Variants in SH2D4A observed in about 807,000 individuals in gnomAD.
The protein encoded by SH2D4A is SH2 domain-containing protein 4A.
In SH2D4A, 70 loss-of-function variants were observed where a neutral mutation model predicts 64.7. That is an observed-to-expected ratio of 1.08 (90% CI 0.89 to 1.32). The LOEUF is 1.32. Ranked by LOEUF, SH2D4A falls within the 40% of genes most tolerant of loss-of-function variation. The pLI, the probability that SH2D4A is intolerant of heterozygous loss-of-function variation, is 0.00. For synonymous variants in SH2D4A, 268 were observed against 200.7 expected, an observed-to-expected ratio of 1.34 and a Z score of -2.83; for missense variants, 706 against 540.1, an observed-to-expected ratio of 1.31 and a Z score of -3.04.
At chr8:19,328,682 C>T (rs2052322486) in intron 2 of SH2D4A, among the ~76,000 whole-genome samples, 1 of 152,220 alleles carries the variant, frequency 6.6e-6, no homozygotes, top group Non-Finnish European at 1.5e-5. Context: ...TCCTCAATCA[C>T]TTTCTGATCC....
intron 7 of SH2D4A, among the ~76,000 whole-genome samples, chr8:19,365,231 T>C (rs879543479): frequency 1.3e-5 from 2 of 152,140 alleles, no homozygotes; most frequent in South Asian, 2.1e-4. Flanking sequence ...AAGGCGGATG[T>C]TTTTCTTTGC....
At chr8:19,339,536 C>T (rs1416607170) in intron 4 of SH2D4A, among the ~76,000 whole-genome samples, 14 of 142,056 alleles carry the variant, frequency 9.9e-5, no homozygotes, top group African/African-American at 3.1e-4. Flanking sequence ...GGGTCTCCCT[C>T]TCCCCGAGGC....
At chr8:19,351,496 G>A (rs567911442) in intron 4 of SH2D4A, among the ~76,000 whole-genome samples, 84 of 151,992 alleles carry the variant, frequency 5.5e-4, no homozygotes, top group Non-Finnish European at 9.9e-4. Context: ...CCAGCTACTC[G>A]GGAGGCTGAG....
intron 8 of SH2D4A, among the ~76,000 whole-genome samples, chr8:19,386,021 A>T (rs1411696536): frequency 6.6e-6 from 1 of 152,158 alleles, no homozygotes; most frequent in Admixed American, 6.5e-5. Flanking sequence ...CCTCATTTAC[A>T]TGGATGACTC....
chr8:19,330,762 G>A (rs979841126), intron 2 of SH2D4A, among the ~76,000 whole-genome samples: 1 of 151,672 alleles, frequency 6.6e-6, no homozygotes, highest in African/African-American at 2.4e-5. Flanking sequence ...TCTTCCTCTT[G>A]CTGTCAAAAA....
chr8:19,347,725 A>C (rs902613664), intron 4 of SH2D4A, among the ~76,000 whole-genome samples: 3 of 152,224 alleles, frequency 2.0e-5, no homozygotes, highest in African/African-American at 7.2e-5. Context: ...GAGATAAAAA[A>C]ATTAGAACCA....
At chr8:19,314,025 CGGCG>C (rs1563178979) in intron 1 of SH2D4A, 7 of 994,980 alleles carry the variant, frequency 7.0e-6, no homozygotes, top group African/African-American at 5.1e-5. Flanking sequence ...AGAGCGGCCG[CGGCG>C]GGTGTCCGGT....
At position 19,319,652 on chromosome 8, in the gene SH2D4A, G is replaced by T; in HGVS notation, c.105G>T (p.Gln35His). ...TGTTCTTCAAGATGAGAGAGGAACAGATCCGACGATGGAAAGAAAGAGAAG... is the reference window on the plus strand; with the variant it reads ...TGTTCTTCAAGATGAGAGAGGAACATATCCGACGATGGAAAGAAAGAGAAG... ...QILFFKMREE[Q>H]IRRWKEREAA... Residue 35 changes from glutamine (Q) to histidine (H), a missense_variant, in exon 2 of 10, where the codon CAG (glutamine) becomes CAT (histidine). Physicochemically the swap from Gln to His is conservative, Grantham distance 24. Coordinates refer to ENST00000265807, the MANE Select transcript of SH2D4A (RefSeq NM_022071.4). The T allele has an allele frequency of 6.2e-7, 1 of 1,611,598 alleles. No individual in the cohort carries two copies. The highest frequency in any genetic ancestry group is 1.3e-5 in the African/African-American group (1 of 74,888).
chr8:19,377,179 C>T (rs1356557707), intron 8 of SH2D4A, among the ~76,000 whole-genome samples: 7 of 152,094 alleles, frequency 4.6e-5, no homozygotes, highest in African/African-American at 7.2e-5. Context: ...GTCAGGAGTT[C>T]GAGACCAGCC....
intron 4 of SH2D4A, among the ~76,000 whole-genome samples, chr8:19,336,090 A>G (rs2052441462): frequency 6.6e-6 from 1 of 152,210 alleles, no homozygotes; most frequent in African/African-American, 2.4e-5. Flanking sequence ...AGCAAAGCAC[A>G]CTGCTGAGTG....
At chr8:19,381,286 G>C (rs2053289137) in intron 8 of SH2D4A, among the ~76,000 whole-genome samples, 1 of 152,168 alleles carries the variant, frequency 6.6e-6, no homozygotes, top group Non-Finnish European at 1.5e-5. Context: ...CTGACCTCAA[G>C]TGATCCACCT....
chr8:19,374,917 G>A (rs1585198571), intron 8 of SH2D4A, among the ~76,000 whole-genome samples: 1 of 152,140 alleles, frequency 6.6e-6, no homozygotes, highest in Admixed American at 6.5e-5. Flanking sequence ...CAGCCACTTT[G>A]TAGTTTCTGT....
At chr8:19,331,252 T>C (rs1172493922) in intron 2 of SH2D4A, among the ~76,000 whole-genome samples, 1 of 152,210 alleles carries the variant, frequency 6.6e-6, no homozygotes, top group African/African-American at 2.4e-5. Context: ...GACACCTTAA[T>C]TGGAAACCTC....
intron 1 of SH2D4A, among the ~76,000 whole-genome samples, chr8:19,319,139 T>C (rs1004044495): frequency 2.6e-5 from 4 of 152,122 alleles, no homozygotes; most frequent in Non-Finnish European, 5.9e-5. Flanking sequence ...TTTTCTTTTT[T>C]TTTTTGACAG....
At chr8:19,325,110 C>G (rs774432045) in intron 2 of SH2D4A, among the ~76,000 whole-genome samples, 3 of 152,136 alleles carry the variant, frequency 2.0e-5, no homozygotes, top group African/African-American at 4.8e-5. Flanking sequence ...CTGCCTTTTA[C>G]TCTCTATGAT....
At chr8:19,335,843 G>A (rs2052437193) in intron 4 of SH2D4A, among the ~76,000 whole-genome samples, 1 of 152,150 alleles carries the variant, frequency 6.6e-6, no homozygotes, top group African/African-American at 2.4e-5. Flanking sequence ...TTTGCTGGTT[G>A]GATTATAGTT....
chr8:19,385,797 C>G (rs991894782), intron 8 of SH2D4A, among the ~76,000 whole-genome samples: 5 of 152,170 alleles, frequency 3.3e-5, no homozygotes, highest in African/African-American at 1.2e-4. Context: ...TGTCTAAGAT[C>G]TTAGCAGACC....
chr8:19,341,800 C>T (rs1424644190), intron 4 of SH2D4A, among the ~76,000 whole-genome samples: 1 of 148,576 alleles, frequency 6.7e-6, no homozygotes, highest in Non-Finnish European at 1.5e-5. Flanking sequence ...TATGATCACG[C>T]TACCCAACTC....
At chr8:19,362,444 G>A (rs1014470138) in intron 6 of SH2D4A, among the ~76,000 whole-genome samples, 4 of 152,048 alleles carry the variant, frequency 2.6e-5, no homozygotes, top group South Asian at 2.1e-4. Context: ...ACGATGGGTC[G>A]CATATAGTTT....
Sources: gnomAD v4.1 joint callset for allele counts (sites outside exome capture counted in the v4.1 genomes callset) on GRCh38, gnomAD v4.1.1 for gene constraint, MANE v1.5 for transcripts, NCBI Gene and HGNC (gene_info 2026-07-23, HGNC 2026-07-21) for gene names.